CERKL: variants seen among roughly 807,000 people sequenced by gnomAD.
The protein encoded by CERKL is ceramide kinase-like protein.
A neutral mutation model predicts 63.4 loss-of-function variants in CERKL; 61 were observed. The observed-to-expected ratio is 0.96, with a 90% CI of 0.78 to 1.19. The LOEUF is 1.19. Among genes scored for constraint, CERKL ranks in the 50% most tolerant of loss-of-function variants. The pLI, the probability that CERKL is intolerant of heterozygous loss-of-function variation, is 0.00. For missense variants in CERKL, 675 were observed against 655.5 expected, an observed-to-expected ratio of 1.03 and a Z score of -0.33; for synonymous variants, 250 against 230.5, an observed-to-expected ratio of 1.08 and a Z score of -0.77.
chr2:181,597,075 T>C (rs542678959), intron 2 of CERKL, among the ~76,000 whole-genome samples: 3 of 152,282 alleles, frequency 2.0e-5, no homozygotes, highest in Non-Finnish European at 4.4e-5. Context: ...AATGATAGTT[T>C]GTTATGTCTG....
At chr2:181,580,491 ACCATT>A (rs1684456625) in intron 2 of CERKL, among the ~76,000 whole-genome samples, 1 of 152,192 alleles carries the variant, frequency 6.6e-6, no homozygotes, top group South Asian at 2.1e-4. Flanking sequence ...CAATGTTCAT[ACCATT>A]CATTTTCTTC....
intron 2 of CERKL, among the ~76,000 whole-genome samples, chr2:181,597,308 T>C (rs530785184): frequency 6.6e-6 from 1 of 152,366 alleles, no homozygotes; most frequent in Admixed American, 6.5e-5. Context: ...TTAACAATCC[T>C]TTAAAGACTT....
chr2:181,615,019 A>G (rs1686130546), intron 1 of CERKL, among the ~76,000 whole-genome samples: 1 of 152,170 alleles, frequency 6.6e-6, no homozygotes, highest in Admixed American at 6.5e-5. Flanking sequence ...GTTCATTAGT[A>G]TCATACTGGT....
chr2:181,583,891 A>T (rs1340570231), intron 2 of CERKL, among the ~76,000 whole-genome samples: 7 of 152,202 alleles, frequency 4.6e-5, no homozygotes, highest in African/African-American at 1.7e-4. Context: ...AAATATGGAG[A>T]ATTTGACTAT....
intron 11 of CERKL, among the ~76,000 whole-genome samples, chr2:181,544,336 G>A (rs1333564277): frequency 4.6e-5 from 7 of 152,180 alleles, no homozygotes; most frequent in Admixed American, 4.6e-4. Flanking sequence ...TAGAAAGTCT[G>A]CTGCCATAAT....
intron 1 of CERKL, among the ~76,000 whole-genome samples, chr2:181,635,177 A>G (rs1302426344): frequency 6.6e-6 from 1 of 152,168 alleles, no homozygotes; most frequent in Non-Finnish European, 1.5e-5. Flanking sequence ...ACATTTCATA[A>G]AAATAAAGCT....
rs1191738389 is a variant in CERKL at position 181,642,362 on chromosome 2, T to TA, written c.238+14406dup. 9.2e-5 allele frequency among the ~76,000 whole-genome samples: 14 copies of TA among 152,342 alleles called. No homozygotes were observed. In the South Asian group the frequency reaches 2.5e-3, roughly 27 times the overall value. Reference sequence around the variant, plus strand: ...CTGTTCCCAAACAGCTTAGACAGATTAATACTTAGAATATACTTTGCTCTA... The same window carrying TA: ...CTGTTCCCAAACAGCTTAGACAGATTAAATACTTAGAATATACTTTGCTCTA... On this transcript the variant is annotated intron_variant, in intron 1 of 12. Transcript: ENST00000410087.
intron 2 of CERKL, among the ~76,000 whole-genome samples, chr2:181,575,251 T>C (rs529851372): frequency 5.3e-5 from 8 of 152,334 alleles, no homozygotes; most frequent in South Asian, 4.1e-4. Context: ...CTATGGCTCA[T>C]TGCTGCCTGA....
At position 181,538,092 on chromosome 2, in the gene CERKL, CA is replaced by C; in HGVS notation, c.*91del. Reference sequence around the variant, plus strand: ...AAATTGTCTTCCATGAAACTGGTCCCAAAAAGGGTGGGGACCACAGGTTTAA... The same window carrying C: ...AAATTGTCTTCCATGAAACTGGTCCCAAAAGGGTGGGGACCACAGGTTTAA... On this transcript the variant is annotated 3_prime_UTR_variant, in exon 13 of 13. Coordinates refer to ENST00000410087, the MANE Select transcript of CERKL (RefSeq NM_201548.5). 3 of 869,630 alleles carry C rather than the reference CA, an allele frequency of 3.4e-6. No homozygotes were observed. Among genetic ancestry groups the C allele is most frequent in the East Asian group, 2.5e-5 (1 of 39,568 alleles). 53.9% of individuals were successfully genotyped at this position (869,630 alleles called of 1,614,324 possible). A position where few individuals can be genotyped will look rare whatever the true frequency, so the allele number is the denominator to read the frequency against.
intron 2 of CERKL, among the ~76,000 whole-genome samples, chr2:181,592,794 T>G (rs1685042642): frequency 6.6e-6 from 1 of 152,198 alleles, no homozygotes; most frequent in African/African-American, 2.4e-5. Flanking sequence ...CTCAGGGATG[T>G]TGTGAAAATT....
chr2:181,572,073 G>C (rs1688925326), intron 3 of CERKL, among the ~76,000 whole-genome samples: 1 of 151,882 alleles, frequency 6.6e-6, no homozygotes, highest in Non-Finnish European at 1.5e-5. Flanking sequence ...CAGATGTATG[G>C]GTGTAACACA....
intron 2 of CERKL, among the ~76,000 whole-genome samples, chr2:181,598,338 T>C (rs996838592): frequency 6.6e-6 from 1 of 152,052 alleles, no homozygotes; most frequent in African/African-American, 2.4e-5. Flanking sequence ...ACAGACAGAC[T>C]ATGGCTGGGA....
At chr2:181,575,181 C>T (rs1689076067) in intron 2 of CERKL, among the ~76,000 whole-genome samples, 1 of 152,186 alleles carries the variant, frequency 6.6e-6, no homozygotes, top group African/African-American at 2.4e-5. Flanking sequence ...GGCTGTCCTC[C>T]CCTTCCACTG....
intron 1 of CERKL, among the ~76,000 whole-genome samples, chr2:181,642,540 A>C (rs1687488795): frequency 6.6e-6 from 1 of 152,230 alleles, no homozygotes; most frequent in African/African-American, 2.4e-5. Context: ...TGTAACAATA[A>C]GAAACACTTT....
chr2:181,646,613 T>C (rs732483), intron 1 of CERKL, among the ~76,000 whole-genome samples: 22,560 of 152,182 alleles, frequency 0.15, 4,111 homozygotes, highest in African/African-American at 0.43. Flanking sequence ...GAACAGCAGA[T>C]CAGACCACAG....
chr2:181,586,869 T>C (rs1241188883), intron 2 of CERKL, among the ~76,000 whole-genome samples: 1 of 152,192 alleles, frequency 6.6e-6, no homozygotes, highest in Non-Finnish European at 1.5e-5. Context: ...AATGGCATGG[T>C]GTTCATCAAA....
intron 2 of CERKL, among the ~76,000 whole-genome samples, chr2:181,578,242 G>GTA (rs1442713901): frequency 1.5e-5 from 2 of 135,112 alleles, no homozygotes; most frequent in South Asian, 2.2e-4. Flanking sequence ...ATATATGTGT[G>GTA]TATATATATG....
At chr2:181,608,270 T>C (rs1050648613) in intron 1 of CERKL, among the ~76,000 whole-genome samples, 1 of 152,100 alleles carries the variant, frequency 6.6e-6, no homozygotes, top group South Asian at 2.1e-4. Flanking sequence ...TCAAATAATC[T>C]TGAAATTAGT....
chr2:181,577,388 G>A (rs183214184), intron 2 of CERKL, among the ~76,000 whole-genome samples: 67 of 152,096 alleles, frequency 4.4e-4, no homozygotes, highest in African/African-American at 1.5e-3. Flanking sequence ...AAGGAATTAT[G>A]GTCTCAAAAT....
Sources: allele counts gnomAD v4.1 joint callset (sites outside exome capture counted in the v4.1 genomes callset), GRCh38; gene constraint gnomAD v4.1.1; transcripts MANE v1.5; gene names NCBI Gene and HGNC (gene_info 2026-07-23, HGNC 2026-07-21).